CYTH3: variants seen among roughly 807,000 people sequenced by gnomAD.
CYTH3 encodes cytohesin 3.
A neutral mutation model predicts 55.1 loss-of-function variants in CYTH3; 23 were observed. That is an observed-to-expected ratio of 0.42 (90% confidence interval 0.30 to 0.59). The LOEUF (loss-of-function observed/expected upper bound fraction) is 0.59, where lower values mean the gene tolerates loss of function less well. CYTH3 is among the 20% of genes least tolerant of loss of function. CYTH3 has a pLI of 0.20. For synonymous variants in CYTH3, 249 were observed against 194.9 expected, an observed-to-expected ratio of 1.28 and a Z score of -2.31; for missense variants, 413 against 524.8, an observed-to-expected ratio of 0.79 and a Z score of 2.08.
rs186309500 is a variant in CYTH3 at position 6,167,032 on chromosome 7, G to A, written c.824-1222C>T. Among the ~76,000 whole-genome samples the A allele has an allele frequency of 2.6e-5, 4 of 152,228 alleles. No homozygotes were observed. Among genetic ancestry groups the A allele is most frequent in the African/African-American group, 9.6e-5 (4 of 41,560 alleles). On this transcript the variant is annotated intron_variant, in intron 9 of 12. Coordinates refer to ENST00000350796, the MANE Select transcript of CYTH3 (RefSeq NM_004227.4). The surrounding 1 kb of genome is among the most constrained non-coding windows in gnomAD (Gnocchi z 5.5). ...CCCAACATCTCTCCTGAGCCCTGGC[G>A]GGGCTTCCACTCCCCGAACCCCTGC...
rs145143572 is a variant in CYTH3 at position 6,178,128 on chromosome 7, G to A, written c.250-187C>T. On this transcript the variant is annotated intron_variant, in intron 4 of 12. Coordinates refer to ENST00000350796, the MANE Select transcript of CYTH3 (RefSeq NM_004227.4). ...ACTACATTTTATCCACCAAAGAAACGCACGTTCATTCCTCCTGTTCAGTTT... is the reference window on the plus strand; with the variant it reads ...ACTACATTTTATCCACCAAAGAAACACACGTTCATTCCTCCTGTTCAGTTT... 2.5e-3 allele frequency among the ~76,000 whole-genome samples: 385 copies of A among 152,262 alleles called. 3 individuals carry two copies. The South Asian group carries it at 0.027, about 11-fold the overall frequency.
chr7:6,267,276 T>C (rs913118188), intron 1 of CYTH3, among the ~76,000 whole-genome samples: 3 of 152,192 alleles, frequency 2.0e-5, no homozygotes, highest in Admixed American at 6.5e-5. Context: ...GGTACTTCTT[T>C]ATAGCAATGC....
chr7:6,223,175 C>T (rs949072924), intron 1 of CYTH3, among the ~76,000 whole-genome samples: 7 of 151,640 alleles, frequency 4.6e-5, no homozygotes, highest in Non-Finnish European at 8.8e-5. Flanking sequence ...AGGTGGGGGG[C>T]GCCTCTGCCC....
intron 1 of CYTH3, among the ~76,000 whole-genome samples, chr7:6,242,146 G>C (rs933516296): frequency 1.3e-5 from 2 of 151,842 alleles, no homozygotes; most frequent in East Asian, 3.9e-4. Context: ...GTACAATCTC[G>C]GCTCACTGCA....
intron 1 of CYTH3, among the ~76,000 whole-genome samples, chr7:6,202,994 C>A (rs1784093902): frequency 6.6e-6 from 1 of 152,002 alleles, no homozygotes; most frequent in African/African-American, 2.4e-5. Context: ...CAAATTCTTA[C>A]CAAAAAGTTG....
intron 4 of CYTH3, among the ~76,000 whole-genome samples, chr7:6,183,590 C>T (rs980063969): frequency 6.6e-6 from 1 of 152,140 alleles, no homozygotes; most frequent in Non-Finnish European, 1.5e-5. Flanking sequence ...ACCATCCTAG[C>T]TGGAAGGAAT....
intron 5 of CYTH3, among the ~76,000 whole-genome samples, chr7:6,174,657 C>T (rs1239023262): frequency 1.3e-5 from 2 of 150,094 alleles, no homozygotes; most frequent in Non-Finnish European, 3.0e-5. Context: ...AAGCGATACT[C>T]CTGTCTCAGC....
At chr7:6,230,485 T>C (rs555923469) in intron 1 of CYTH3, among the ~76,000 whole-genome samples, 2 of 152,344 alleles carry the variant, frequency 1.3e-5, no homozygotes, top group South Asian at 2.1e-4. Flanking sequence ...TCATTCTGCT[T>C]ACTCTATTAG....
chr7:6,176,446 A>G (rs1268119481), intron 5 of CYTH3, among the ~76,000 whole-genome samples: 1 of 151,786 alleles, frequency 6.6e-6, no homozygotes. Context: ...TGTTTTTAGT[A>G]GAGGTGAGGT....
At chr7:6,211,398 A>G (rs538630928) in intron 1 of CYTH3, among the ~76,000 whole-genome samples, 1 of 152,268 alleles carries the variant, frequency 6.6e-6, no homozygotes, top group African/African-American at 2.4e-5. Flanking sequence ...GCGGAGCCTG[A>G]CTCCTGGCTC....
At chr7:6,223,836 TAAAAA>T (rs58813864) in intron 1 of CYTH3, among the ~76,000 whole-genome samples, 3 of 24,314 alleles carry the variant, frequency 1.2e-4, no homozygotes, top group African/African-American at 3.7e-4. Context: ...CAATAAATAC[TAAAAA>T]AAAAAAAAAA....
At chr7:6,178,053 A>G in intron 4 of CYTH3, 112 bp from the exon 5 acceptor site, 1 of 754,156 alleles carries the variant, frequency 1.3e-6, no homozygotes, top group East Asian at 2.5e-5. Context: ...CAGCAAAAAT[A>G]ATACCAGAGA....
chr7:6,183,115 T>C (rs1783549590), intron 4 of CYTH3, among the ~76,000 whole-genome samples: 1 of 152,186 alleles, frequency 6.6e-6, no homozygotes, highest in South Asian at 2.1e-4. Context: ...GACTAAGTGC[T>C]CCCTCTTGCT....
intron 1 of CYTH3, among the ~76,000 whole-genome samples, chr7:6,222,258 A>G (rs1784569056): frequency 6.6e-6 from 1 of 152,214 alleles, no homozygotes. Context: ...AAGGAAGATT[A>G]GGGCTTAGTC....
intron 1 of CYTH3, among the ~76,000 whole-genome samples, chr7:6,249,806 T>C (rs1282062248): frequency 6.6e-6 from 1 of 152,172 alleles, no homozygotes; most frequent in Non-Finnish European, 1.5e-5. Context: ...CACTGTGAAA[T>C]GATGACCACA....
At chr7:6,195,897 G>A (rs906883175) in intron 1 of CYTH3, among the ~76,000 whole-genome samples, 5 of 152,064 alleles carry the variant, frequency 3.3e-5, no homozygotes, top group African/African-American at 1.2e-4. Context: ...CACCTCCAAG[G>A]TGCTCATCAA....
At chr7:6,248,852 T>G (rs544872872) in intron 1 of CYTH3, among the ~76,000 whole-genome samples, 12 of 152,300 alleles carry the variant, frequency 7.9e-5, no homozygotes, top group African/African-American at 2.9e-4. Context: ...TCTCTCTTTT[T>G]CTCAATCACT....
chr7:6,177,849 G>A lies in CYTH3; in HGVS notation c.342C>T (p.Thr114=), dbSNP rs369305314. 1.5e-5 allele frequency: 25 copies of A among 1,613,980 alleles called. No individual in the cohort carries two copies. The highest frequency in any genetic ancestry group is 1.2e-4 in the South Asian group (11 of 91,076). ...TTTCACCCAGGTAGTCCCCAATGAC[G>A]GTCTTATTTAGGCCTTCTCCTTTAT... ...FLYKGEGLNK[T]VIGDYLGERD... Residue 114 remains threonine (T), a synonymous_variant, in exon 5 of 13, where the codon ACC becomes ACT. Coordinates refer to ENST00000350796, the MANE Select transcript of CYTH3 (RefSeq NM_004227.4).
chr7:6,185,419 GGT>G (rs1397483646), intron 4 of CYTH3, among the ~76,000 whole-genome samples: 2 of 151,088 alleles, frequency 1.3e-5, no homozygotes, highest in Non-Finnish European at 2.9e-5. Context: ...AACTGGGCCG[GGT>G]GCACTGGGCT....
Sources: gnomAD v4.1 joint callset for allele counts (sites outside exome capture counted in the v4.1 genomes callset) on GRCh38, gnomAD v4.1.1 for gene constraint, Gnocchi (gnomAD v3.1) non-coding constraint, MANE v1.5 for transcripts, NCBI Gene and HGNC (gene_info 2026-07-23, HGNC 2026-07-21) for gene names.